C5orf24: variants seen among roughly 807,000 people sequenced by gnomAD.
C5orf24 encodes the protein chromosome 5 open reading frame 24.
Under a neutral mutation model 9.8 loss-of-function variants are expected in C5orf24, and 4 were observed. The ratio of observed to expected loss-of-function variants is 0.41; its 90% CI spans 0.20 to 0.93. C5orf24 has a LOEUF of 0.93. Among genes scored for constraint, C5orf24 ranks in the 40% least tolerant of loss-of-function variants. The pLI is 0.33. For synonymous variants in C5orf24, 73 were observed against 81.3 expected, an observed-to-expected ratio of 0.90 and a Z score of 0.55; for missense variants, 170 against 236.9, an observed-to-expected ratio of 0.72 and a Z score of 1.85.
rs1339542079 is a variant in C5orf24 at position 134,855,035 on chromosome 5, A to G, written c.135A>G (p.Thr45=). 6.2e-7 allele frequency: 1 copy of G among 1,614,206 alleles called. No individual in the cohort carries two copies. Among genetic ancestry groups the G allele is most frequent in the Admixed American group, 1.7e-5 (1 of 60,008 alleles). ...YSSQQSKYSH[T]VNHKPMVCQR... ...CCCAGCAAAGCAAATACAGCCACAC[A>G]GTCAACCACAAACCAATGGTTTGTC... The change falls in exon 2 of 2, where the codon ACA becomes ACG. Residue 45 remains threonine, a synonymous_variant. Transcript: ENST00000394976.
intron 1 of C5orf24, among the ~76,000 whole-genome samples, chr5:134,849,645 GTC>G (rs1756100350): frequency 1.6e-5 from 1 of 61,256 alleles, no homozygotes; most frequent in East Asian, 6.0e-4. Flanking sequence ...TTAAGTCAGT[GTC>G]TTTTTTTTTT....
intron 1 of C5orf24, among the ~76,000 whole-genome samples, chr5:134,853,302 G>T (rs186128303): frequency 6.6e-6 from 1 of 150,894 alleles, no homozygotes; most frequent in Non-Finnish European, 1.5e-5. Context: ...CGGAGGTTGC[G>T]GTGAGCCAAG....
chr5:134,847,343 T>G (rs1756023836), intron 1 of C5orf24, among the ~76,000 whole-genome samples: 1 of 152,254 alleles, frequency 6.6e-6, no homozygotes. Context: ...TCCCCCAGGC[T>G]GGAGTACAGT....
chr5:134,834,220 C>T, the C5orf24 span, among the ~76,000 whole-genome samples: 1 of 152,134 alleles, frequency 6.6e-6, no homozygotes, highest in African/African-American at 2.4e-5. Flanking sequence ...GTGTGAAAAA[C>T]ATGTTCTTTC....
At chr5:134,841,048 C>G (rs905043108), upstream of C5orf24, among the ~76,000 whole-genome samples, 2 of 152,112 alleles carry the variant, frequency 1.3e-5, no homozygotes, top group African/African-American at 4.8e-5. Flanking sequence ...GCATGACATT[C>G]CAAGGGTTTA....
At chr5:134,842,017 A>G (rs999242794), upstream of C5orf24, among the ~76,000 whole-genome samples, 7 of 152,102 alleles carry the variant, frequency 4.6e-5, no homozygotes, top group African/African-American at 1.7e-4. Flanking sequence ...ATGAGGTCAA[A>G]TTTTAGAAGT....
Position 134,855,071 on chromosome 5 carries a change from C to G in C5orf24, c.171C>G (p.Asp57Glu), listed in dbSNP as rs962693392. ...NHKPMVCQRQ[D>E]PLNETHLQTT... ...AACCAATGGTTTGTCAGAGGCAAGA[C>G]CCATTAAATGAAACACACTTGCAGA... Residue 57 changes from aspartate (D) to glutamate (E), a missense_variant, in exon 2 of 2, where the codon GAC (aspartate) becomes GAG (glutamate). By Grantham distance (45) the Asp-to-Glu change is conservative. Transcript: ENST00000394976. The G allele has an allele frequency of 1.2e-5, 19 of 1,613,910 alleles. No homozygotes were observed. The highest frequency in any genetic ancestry group is 2.2e-5 in the South Asian group (2 of 91,076).
chr5:134,841,034 T>C (rs933797907), upstream of C5orf24, among the ~76,000 whole-genome samples: 10 of 152,176 alleles, frequency 6.6e-5, no homozygotes, highest in Admixed American at 2.6e-4. Context: ...AAAAACACTA[T>C]GAAGCATGAC....
the C5orf24 span, among the ~76,000 whole-genome samples, chr5:134,839,066 C>T: frequency 4.0e-5 from 6 of 151,708 alleles, no homozygotes; most frequent in African/African-American, 1.2e-4. Context: ...AAAATTGGCC[C>T]GGCACACATC....
chr5:134,837,782 G>A, the C5orf24 span, among the ~76,000 whole-genome samples: 4 of 151,770 alleles, frequency 2.6e-5, no homozygotes, highest in African/African-American at 9.7e-5. Context: ...TTTGTCTTTT[G>A]TAAGCCATTC....
intron 1 of C5orf24, among the ~76,000 whole-genome samples, chr5:134,854,624 T>G (rs922269235): frequency 2.0e-5 from 3 of 152,260 alleles, no homozygotes; most frequent in African/African-American, 7.2e-5. Flanking sequence ...TACACACTTT[T>G]CTGGTTCCTA....
intron 1 of C5orf24, among the ~76,000 whole-genome samples, chr5:134,848,745 G>A (rs531356010): frequency 6.6e-6 from 1 of 150,956 alleles, no homozygotes; most frequent in South Asian, 2.1e-4. Flanking sequence ...CGGATCACCT[G>A]AGGTCAGGAG....
chr5:134,844,734 G>T (rs549995788), upstream of C5orf24, among the ~76,000 whole-genome samples: 899 of 146,334 alleles, frequency 6.1e-3, 8 homozygotes, highest in Non-Finnish European at 9.9e-3. Context: ...AGAGTTTTTT[G>T]TTGTTGTTGT....
the C5orf24 span, among the ~76,000 whole-genome samples, chr5:134,838,851 C>T: frequency 3.3e-5 from 5 of 152,062 alleles, no homozygotes; most frequent in East Asian, 5.8e-4. Flanking sequence ...TACCTATGCC[C>T]TTGAAAAAGC....
In C5orf24 at chr5:134,857,353, T is replaced by C; in HGVS notation, c.*1886T>C. On this transcript the variant is annotated 3_prime_UTR_variant, in exon 2 of 2. Transcript: ENST00000394976. ...GATGTCATGTTTCATACCTTTTTTA[T>C]CAGGAAAAAAGCAGCAAGCCTTCAG... 1 of 1,547,132 alleles carries C rather than the reference T, an allele frequency of 6.5e-7. No individual in the cohort carries two copies. The highest frequency in any genetic ancestry group is 8.7e-7 in the Non-Finnish European group (1 of 1,144,656).
chr5:134,837,752 C>G, the C5orf24 span, among the ~76,000 whole-genome samples: 2 of 151,438 alleles, frequency 1.3e-5, no homozygotes, highest in Non-Finnish European at 2.9e-5. Flanking sequence ...CTTGGACTTT[C>G]CAGCTTCCAG....
the C5orf24 span, among the ~76,000 whole-genome samples, chr5:134,835,107 G>A: frequency 6.6e-6 from 1 of 152,078 alleles, no homozygotes; most frequent in Non-Finnish European, 1.5e-5. Context: ...TCAGGAGGCT[G>A]AGGCATGAGA....
chr5:134,840,436 A>G, the C5orf24 span, among the ~76,000 whole-genome samples: 1 of 151,474 alleles, frequency 6.6e-6, no homozygotes, highest in Non-Finnish European at 1.5e-5. Context: ...GTACAGTGTC[A>G]TGGTCATGGC....
At chr5:134,839,839 C>A in the C5orf24 span, among the ~76,000 whole-genome samples, 1 of 152,074 alleles carries the variant, frequency 6.6e-6, no homozygotes, top group East Asian at 1.9e-4. Context: ...AGGTGCGTGC[C>A]ACCATGCCTG....
Sources: gnomAD v4.1 joint callset for allele counts (sites outside exome capture counted in the v4.1 genomes callset) on GRCh38, gnomAD v4.1.1 for gene constraint, MANE v1.5 for transcripts, NCBI Gene and HGNC (gene_info 2026-07-23, HGNC 2026-07-21) for gene names.